Variants in NIBAN1 observed in about 807,000 individuals in gnomAD.
NIBAN1 encodes the protein protein Niban 1.
A neutral mutation model predicts 75.1 loss-of-function variants in NIBAN1; 81 were observed. That is an observed-to-expected ratio of 1.08 (90% CI 0.90 to 1.30). The LOEUF (loss-of-function observed/expected upper bound fraction) is 1.30. NIBAN1 is among the 50% of genes most tolerant of loss of function. The probability of loss-of-function intolerance (pLI) is 0.00; values close to 1 mark genes in which losing one functional copy is unlikely to be tolerated. For missense variants in NIBAN1, 1,133 were observed against 1,128.1 expected (o/e 1.00, Z -0.06); for synonymous variants, 436 against 424.8 (o/e 1.03, Z -0.32).
At chr1:184,964,315 C>T (rs1406615358) in intron 1 of NIBAN1, among the ~76,000 whole-genome samples, 2 of 152,084 alleles carry the variant, frequency 1.3e-5, no homozygotes, top group East Asian at 1.9e-4. Context: ...AACCAGAAGG[C>T]TTAAAATCCA....
chr1:184,942,254 T>C (rs1307902147), intron 1 of NIBAN1, among the ~76,000 whole-genome samples: 1 of 152,250 alleles, frequency 6.6e-6, no homozygotes, highest in Admixed American at 6.5e-5. Flanking sequence ...AAGTACCGTA[T>C]CTTTCCACTT....
chr1:184,892,612 C>A (rs1482117391), intron 3 of NIBAN1, among the ~76,000 whole-genome samples: 1 of 152,082 alleles, frequency 6.6e-6, no homozygotes, highest in Non-Finnish European at 1.5e-5. Context: ...CAAGAGAGCA[C>A]TTGAGCTTTG....
intron 5 of NIBAN1, among the ~76,000 whole-genome samples, chr1:184,842,240 T>G (rs1655306735): frequency 6.6e-6 from 1 of 152,202 alleles, no homozygotes; most frequent in Non-Finnish European, 1.5e-5. Context: ...ACCCCAGTGC[T>G]TCTCAGATTT....
chr1:184,805,562 A>G (rs1464988892), intron 11 of NIBAN1, among the ~76,000 whole-genome samples: 1 of 152,200 alleles, frequency 6.6e-6, no homozygotes, highest in Non-Finnish European at 1.5e-5. Flanking sequence ...AAAATCAATA[A>G]ATTATTCGCC....
intron 6 of NIBAN1, among the ~76,000 whole-genome samples, chr1:184,824,313 C>T (rs1654786419): frequency 1.3e-5 from 2 of 152,090 alleles, no homozygotes; most frequent in Non-Finnish European, 2.9e-5. Context: ...GACGTCTAGA[C>T]CGACCAGAGC....
intron 1 of NIBAN1, among the ~76,000 whole-genome samples, chr1:184,929,522 G>A (rs991095094): frequency 6.6e-5 from 10 of 151,510 alleles, no homozygotes; most frequent in African/African-American, 2.4e-4. Context: ...TTGAAAGGAA[G>A]GTCTATGCCA....
chr1:184,880,292 TTAAGTGGCCTCCTGGCCACCCA>T (rs1656344203), intron 5 of NIBAN1, among the ~76,000 whole-genome samples: 1 of 152,242 alleles, frequency 6.6e-6, no homozygotes, highest in African/African-American at 2.4e-5. Context: ...CCAAAGCTTT[TTAAGTGGCCTCCTGGCCACCCA>T]CCATGCTACC....
intron 1 of NIBAN1, among the ~76,000 whole-genome samples, chr1:184,943,855 G>A (rs1658157194): frequency 6.6e-6 from 1 of 152,116 alleles, no homozygotes; most frequent in Admixed American, 6.5e-5. Context: ...ACACCGAGGT[G>A]ATATAACAGT....
intron 5 of NIBAN1, among the ~76,000 whole-genome samples, chr1:184,877,788 AAAG>A (rs796192585): frequency 5.9e-5 from 9 of 152,324 alleles, no homozygotes; most frequent in African/African-American, 2.2e-4. Flanking sequence ...TCTATAAGTA[AAAG>A]AAGAAAAACA....
chr1:184,962,081 C>T (rs1368211577), intron 1 of NIBAN1, among the ~76,000 whole-genome samples: 1 of 152,070 alleles, frequency 6.6e-6, no homozygotes, highest in African/African-American at 2.4e-5. Context: ...AGAGAGACAT[C>T]AACATAAGGA....
chr1:184,972,635 C>T (rs1457913119), intron 1 of NIBAN1, among the ~76,000 whole-genome samples: 5 of 152,190 alleles, frequency 3.3e-5, no homozygotes, highest in Admixed American at 3.3e-4. Flanking sequence ...GACTGTCACA[C>T]CATATGCTAT....
At chr1:184,827,386 C>A (rs1223764668) in intron 6 of NIBAN1, among the ~76,000 whole-genome samples, 1 of 152,004 alleles carries the variant, frequency 6.6e-6, no homozygotes, top group Non-Finnish European at 1.5e-5. Context: ...AGAGCCCACT[C>A]TGGCATTCCC....
chr1:184,960,705 T>C (rs1340977346), intron 1 of NIBAN1, among the ~76,000 whole-genome samples: 1 of 152,150 alleles, frequency 6.6e-6, no homozygotes, highest in Admixed American at 6.5e-5. Context: ...CTCGGCTCAC[T>C]GCAGCCTCCA....
chr1:184,875,536 C>A (rs1448600039), intron 5 of NIBAN1, among the ~76,000 whole-genome samples: 1 of 152,132 alleles, frequency 6.6e-6, no homozygotes, highest in Non-Finnish European at 1.5e-5. Context: ...AATAAGTGAT[C>A]CAAGAGAAAG....
chr1:184,973,111 A>G (rs1658980424), intron 1 of NIBAN1, among the ~76,000 whole-genome samples: 1 of 152,188 alleles, frequency 6.6e-6, no homozygotes, highest in Non-Finnish European at 1.5e-5. Context: ...ATATAAATAA[A>G]TCATCCGTCT....
intron 1 of NIBAN1, among the ~76,000 whole-genome samples, chr1:184,972,966 C>A (rs1658976729): frequency 6.6e-6 from 1 of 152,228 alleles, no homozygotes; most frequent in African/African-American, 2.4e-5. Context: ...CATTCAAATG[C>A]AAGCCCTTTC....
intron 5 of NIBAN1, among the ~76,000 whole-genome samples, chr1:184,870,502 G>A (rs754375506): frequency 2.0e-5 from 3 of 152,222 alleles, no homozygotes; most frequent in African/African-American, 7.2e-5. Flanking sequence ...TGAACGTCAG[G>A]TTTAGCTTTT....
intron 1 of NIBAN1, among the ~76,000 whole-genome samples, chr1:184,917,016 C>A (rs1256369258): frequency 6.6e-6 from 1 of 152,154 alleles, no homozygotes; most frequent in Non-Finnish European, 1.5e-5. Context: ...ATCTGCCCAG[C>A]CAATATCTAG....
At chr1:184,811,198 T>C (rs778821926) in intron 9 of NIBAN1, among the ~76,000 whole-genome samples, 11 of 152,166 alleles carry the variant, frequency 7.2e-5, no homozygotes, top group Non-Finnish European at 1.3e-4. Flanking sequence ...TAAGCAGTAA[T>C]ATTGCAGGGG....
Sources: gnomAD v4.1 joint callset for allele counts (sites outside exome capture counted in the v4.1 genomes callset) on GRCh38, gnomAD v4.1.1 for gene constraint, MANE v1.5 for transcripts, NCBI Gene and HGNC (gene_info 2026-07-23, HGNC 2026-07-21) for gene names.